Variants in RINT1 observed in about 807,000 individuals in gnomAD.
RINT1 encodes RAD50-interacting protein 1.
A neutral mutation model predicts 97.7 loss-of-function variants in RINT1; 75 were observed. The ratio of observed to expected loss-of-function variants is 0.77; its 90% CI spans 0.64 to 0.93. The LOEUF is 0.93. Ranked by LOEUF, RINT1 falls within the 40% of genes least tolerant of loss-of-function variation. The pLI, the probability that RINT1 is intolerant of heterozygous loss-of-function variation, is 0.00. For missense variants in RINT1, 892 were observed against 925.2 expected, an observed-to-expected ratio of 0.96 and a Z score of 0.47; for synonymous variants, 303 against 326.3, an observed-to-expected ratio of 0.93 and a Z score of 0.77.
intron 14 of RINT1, among the ~76,000 whole-genome samples, chr7:105,565,992 G>T (rs369777911): frequency 2.0e-5 from 3 of 152,280 alleles, no homozygotes; most frequent in African/African-American, 7.2e-5. Flanking sequence ...TTACAGGGCC[G>T]GGCGTGGTGG....
chr7:105,563,213 A>G (rs980748857), intron 11 of RINT1, among the ~76,000 whole-genome samples: 2 of 152,202 alleles, frequency 1.3e-5, no homozygotes, highest in African/African-American at 4.8e-5. Context: ...AGGCAAATCC[A>G]TTGAGACAGA....
intron 4 of RINT1, among the ~76,000 whole-genome samples, chr7:105,545,130 G>A (rs759886154): frequency 2.0e-5 from 3 of 152,032 alleles, no homozygotes; most frequent in Non-Finnish European, 2.9e-5. Context: ...TTAGTGTTGT[G>A]AGGAAATCTA....
intron 11 of RINT1, 146 bp downstream of exon 11, chr7:105,555,373 A>G (rs1791136959): frequency 1.7e-6 from 1 of 595,082 alleles, no homozygotes; most frequent in African/African-American, 1.9e-5. Context: ...TAATTAAAAT[A>G]CACATTTTTC....
chr7:105,540,697 C>T (rs1790420758), intron 3 of RINT1, among the ~76,000 whole-genome samples: 1 of 149,334 alleles, frequency 6.7e-6, no homozygotes, highest in Non-Finnish European at 1.5e-5. Context: ...TGCACCTGGC[C>T]ACTAAATGCC....
chr7:105,542,044 T>C (rs1016661731), intron 3 of RINT1, among the ~76,000 whole-genome samples: 3 of 152,166 alleles, frequency 2.0e-5, no homozygotes, highest in African/African-American at 7.2e-5. Flanking sequence ...AATCAAACCT[T>C]TTTTTGAAGG....
chr7:105,535,413 A>G (rs1048185052), intron 2 of RINT1, among the ~76,000 whole-genome samples: 1 of 151,970 alleles, frequency 6.6e-6, no homozygotes, highest in Non-Finnish European at 1.5e-5. Context: ...TATTTTTAGT[A>G]GAGACAGGTT....
chr7:105,540,307 G>C (rs9692503), intron 3 of RINT1, among the ~76,000 whole-genome samples: 90,748 of 151,702 alleles, frequency 0.6, 28,469 homozygotes, highest in East Asian at 0.75. Flanking sequence ...CTGTCGCCCA[G>C]GCTGGAGTGC....
intron 11 of RINT1, among the ~76,000 whole-genome samples, chr7:105,561,000 G>A (rs565406866): frequency 7.2e-5 from 11 of 151,868 alleles, no homozygotes; most frequent in African/African-American, 2.4e-4. Context: ...GTTTACAGGC[G>A]TAAGCCACCG....
chr7:105,549,469 C>G (rs1223952397), intron 7 of RINT1, among the ~76,000 whole-genome samples: 3 of 152,044 alleles, frequency 2.0e-5, no homozygotes, highest in Non-Finnish European at 4.4e-5. Context: ...CTGCCTCAGC[C>G]TCTTGAGTAG....
At chr7:105,557,820 G>A (rs1169375422) in intron 11 of RINT1, among the ~76,000 whole-genome samples, 2 of 152,020 alleles carry the variant, frequency 1.3e-5, no homozygotes, top group African/African-American at 4.8e-5. Flanking sequence ...ATATAAACAA[G>A]ATAAAAATCT....
chr7:105,551,850 G>A (rs1036438443), intron 10 of RINT1, 143 bp downstream of exon 10: 2 of 561,536 alleles, frequency 3.6e-6, no homozygotes, highest in East Asian at 6.5e-5. Context: ...CAGGTTGCTT[G>A]AGCCCAGGAG....
At chr7:105,552,924 G>A (rs1467634843) in intron 10 of RINT1, among the ~76,000 whole-genome samples, 1 of 151,466 alleles carries the variant, frequency 6.6e-6, no homozygotes, top group Non-Finnish European at 1.5e-5. Flanking sequence ...CACCTGCCTC[G>A]GCCTCCCAAA....
intron 10 of RINT1, among the ~76,000 whole-genome samples, chr7:105,551,911 T>A (rs1163290862): frequency 1.3e-5 from 2 of 151,830 alleles, no homozygotes; most frequent in Non-Finnish European, 2.9e-5. Context: ...TCCGAAAAAA[T>A]ACAGAAATTA....
chr7:105,550,474 G>T lies in RINT1; in HGVS notation c.1321G>T (p.Val441Leu), dbSNP rs769583673. The T allele has an allele frequency of 1.2e-6, 2 of 1,613,200 alleles. No homozygotes were observed. Among genetic ancestry groups the T allele is most frequent in the Non-Finnish European group, 1.7e-6 (2 of 1,179,160 alleles). ...EETCFQRWLT[V>L]ERKFALQKMD... The stretch of plus-strand genomic sequence containing the variant: ...AACCTGTTTTCAGAGATGGTTGACG[G>T]TGGAGAGAAAATGTAAGTGCTGATG... The change falls in exon 9 of 15, where the codon GTG becomes TTG. Residue 441 changes from valine (V) to leucine (L), a missense_variant. Coordinates refer to ENST00000257700, the MANE Select transcript of RINT1 (RefSeq NM_021930.6).
chr7:105,561,749 A>G (rs979971604), intron 11 of RINT1, among the ~76,000 whole-genome samples: 6 of 151,744 alleles, frequency 4.0e-5, no homozygotes, highest in Non-Finnish European at 7.4e-5. Flanking sequence ...TTTAGTAGAG[A>G]TGGCATTTCA....
chr7:105,545,436 G>C (rs1790621759), intron 4 of RINT1, among the ~76,000 whole-genome samples: 1 of 147,434 alleles, frequency 6.8e-6, no homozygotes, highest in African/African-American at 2.5e-5. Context: ...CTAGGTGACA[G>C]AGTGAGACTC....
chr7:105,562,032 C>CCAAT (rs1791461787), intron 11 of RINT1, among the ~76,000 whole-genome samples: 1 of 152,060 alleles, frequency 6.6e-6, no homozygotes, highest in African/African-American at 2.4e-5. Flanking sequence ...TTCCCTAAAG[C>CCAAT]CAATCACTTT....
chr7:105,565,769 A>G, intron 14 of RINT1, 121 bp downstream of exon 14: 3 of 653,572 alleles, frequency 4.6e-6, no homozygotes, highest in Non-Finnish European at 7.9e-6. Context: ...ATTTTAAAAC[A>G]TTGTCTATCT....
Position 105,542,459 on chromosome 7 carries a change from A to G in RINT1, c.325A>G (p.Asn109Asp). The G allele has an allele frequency of 6.2e-7, 1 of 1,613,620 alleles. No individual in the cohort carries two copies. Among genetic ancestry groups the G allele is most frequent in the South Asian group, 1.1e-5 (1 of 91,012 alleles). ...TAAAAGAATTCGAAGTGCCTTAAAA[A>G]ATGCAGAAGAATCAAAGCAATTTCT... Reference protein sequence around the residue: ...IPKRIRSALKNAEESKQFLNQ... With the variant: ...IPKRIRSALKDAEESKQFLNQ... The change falls in exon 4 of 15, where the codon AAT (asparagine) becomes GAT (aspartate). Residue 109 changes from asparagine to aspartate, a missense_variant. Asn to Asp is a conservative substitution (Grantham distance 23, BLOSUM62 1). Coordinates refer to ENST00000257700, the MANE Select transcript of RINT1 (RefSeq NM_021930.6).
Sources: gnomAD v4.1 joint callset for allele counts (sites outside exome capture counted in the v4.1 genomes callset) on GRCh38, gnomAD v4.1.1 for gene constraint, MANE v1.5 for transcripts, NCBI Gene and HGNC (gene_info 2026-07-23, HGNC 2026-07-21) for gene names.